SMARCB1: variants seen among roughly 807,000 people sequenced by gnomAD.
The protein encoded by SMARCB1 is SWI/SNF related BAF chromatin remodeling complex subunit B1, also known as SWI/SNF-related matrix-associated actin-dependent regulator of chromatin subfamily B member 1.
A neutral mutation model predicts 49.0 loss-of-function variants in SMARCB1; 5 were observed. That is an observed-to-expected ratio of 0.10 (90% confidence interval 0.05 to 0.21). SMARCB1 has a LOEUF of 0.21. Among genes scored for constraint, SMARCB1 ranks in the 10% least tolerant of loss-of-function variants. The pLI, the probability that SMARCB1 is intolerant of heterozygous loss-of-function variation, is 1.00. For synonymous variants in SMARCB1, 201 were observed against 200.1 expected (o/e 1.00, Z -0.04); for missense variants, 226 against 509.2 (o/e 0.44, Z 5.35).
In SMARCB1 at chr22:23,808,897, C is replaced by T. The variant is rs537109253; in HGVS notation, c.628+5475C>T. Among the ~76,000 whole-genome samples the T allele has an allele frequency of 4.0e-5, 6 of 151,704 alleles. No homozygotes were observed. In the East Asian group the frequency reaches 9.9e-4, roughly 25 times the overall value. On this transcript the variant is annotated intron_variant, in intron 5 of 8. Transcript: ENST00000644036. ...TATTTTTAGTAGAGAGGGGTTTCTC[C>T]ATGTTGGTCAGGCTGGCCTTGAACT...
At chr22:23,810,389 A>G (rs1483252737) in intron 5 of SMARCB1, among the ~76,000 whole-genome samples, 11 of 145,436 alleles carry the variant, frequency 7.6e-5, no homozygotes, top group South Asian at 2.2e-4. Context: ...TTAGCCAGGC[A>G]TGGTGGCGCA....
intron 7 of SMARCB1, 102 bp downstream of exon 7, chr22:23,825,517 C>A: frequency 1.0e-6 from 1 of 1,003,970 alleles, no homozygotes; most frequent in Non-Finnish European, 1.5e-6. Flanking sequence ...CTTTCTCACG[C>A]TTCGCAGCAC....
At chr22:23,799,247 A>G (rs1928976980) in intron 3 of SMARCB1, among the ~76,000 whole-genome samples, 1 of 151,676 alleles carries the variant, frequency 6.6e-6, no homozygotes, top group South Asian at 2.1e-4. Context: ...TGTTTCACCC[A>G]GCCCTGGAGC....
chr22:23,822,957 C>CTTTTTTTTTTTTTTT (rs58056758), intron 6 of SMARCB1, among the ~76,000 whole-genome samples: 1 of 72,764 alleles, frequency 1.4e-5, no homozygotes, highest in Non-Finnish European at 2.7e-5. Flanking sequence ...ACCAGCATAG[C>CTTTTTTTTTTTTTTT]TTTTTTTTTT....
intron 7 of SMARCB1, among the ~76,000 whole-genome samples, chr22:23,829,811 C>T (rs2030565169): frequency 6.6e-6 from 1 of 152,198 alleles, no homozygotes; most frequent in African/African-American, 2.4e-5. Context: ...TGCAGGCAGT[C>T]CCGTTCCTCC....
chr22:23,812,344 C>T (rs1929924334), intron 5 of SMARCB1, among the ~76,000 whole-genome samples: 1 of 151,900 alleles, frequency 6.6e-6, no homozygotes, highest in African/African-American at 2.4e-5. Context: ...ATTCTCCCCC[C>T]CAAAAAAATC....
chr22:23,787,048 C>G lies in SMARCB1; in HGVS notation c.-122C>G. 1 of 664,824 alleles carries G rather than the reference C, an allele frequency of 1.5e-6. No homozygotes were observed. The highest frequency in any genetic ancestry group is 3.6e-4 in the Middle Eastern group (1 of 2,750). 41.2% of individuals were successfully genotyped at this position (664,824 alleles called of 1,614,324 possible). On this transcript the variant is annotated 5_prime_UTR_variant, in exon 1 of 9. Coordinates refer to ENST00000644036, the MANE Select transcript of SMARCB1 (RefSeq NM_003073.5). ...GAGGAGCCCGGCTGAGGCGCCAGTACCCGGCCCGGTCCGCATTTCGCCTTC... is the reference window on the plus strand; with the variant it reads ...GAGGAGCCCGGCTGAGGCGCCAGTAGCCGGCCCGGTCCGCATTTCGCCTTC...
chr22:23,832,049 G>A (rs1246808461), intron 7 of SMARCB1, among the ~76,000 whole-genome samples: 3 of 152,228 alleles, frequency 2.0e-5, no homozygotes, highest in Non-Finnish European at 2.9e-5. Flanking sequence ...GCTGCAGCCA[G>A]TGCCCTGCGC....
chr22:23,790,048 G>A (rs1383630753), intron 1 of SMARCB1, among the ~76,000 whole-genome samples: 2 of 152,196 alleles, frequency 1.3e-5, no homozygotes, highest in East Asian at 3.8e-4. Flanking sequence ...CCAGCACCTT[G>A]ATTTTATATT....
chr22:23,803,118 T>C, intron 4 of SMARCB1, 177 bp from the exon 5 acceptor site: 1 of 761,542 alleles, frequency 1.3e-6, no homozygotes, highest in Non-Finnish European at 2.3e-6. Context: ...CTGTCCCCAT[T>C]AGACCGTGGC....
intron 2 of SMARCB1, chr22:23,792,197 C>T: frequency 2.5e-6 from 1 of 406,286 alleles, no homozygotes; most frequent in South Asian, 2.1e-5. Context: ...CTGCGATGCT[C>T]TGCCATCTGT....
intron 7 of SMARCB1, among the ~76,000 whole-genome samples, chr22:23,828,765 T>C (rs1012126866): frequency 4.6e-5 from 7 of 152,158 alleles, no homozygotes; most frequent in Non-Finnish European, 1.0e-4. Flanking sequence ...CTGACTTCCA[T>C]ACCCTCCTCG....
chr22:23,805,946 A>G (rs1929466697), intron 5 of SMARCB1, among the ~76,000 whole-genome samples: 1 of 152,218 alleles, frequency 6.6e-6, no homozygotes, highest in Non-Finnish European at 1.5e-5. Flanking sequence ...TGTTCCAGAA[A>G]GGATGCAAGG....
rs920332426 is a variant in SMARCB1, at chr22:23,837,536, T to C, written c.*3356T>C. The C allele has an allele frequency of 1.9e-6, 2 of 1,036,092 alleles. No homozygotes were observed. Among genetic ancestry groups the C allele is most frequent in the Admixed American group, 5.4e-5 (2 of 37,000 alleles). 64.2% of individuals were successfully genotyped at this position (1,036,092 alleles called of 1,614,324 possible). On this transcript the variant is annotated 3_prime_UTR_variant, in exon 9 of 9. Coordinates refer to ENST00000644036, the MANE Select transcript of SMARCB1 (RefSeq NM_003073.5). ...CACAGCAGCTGGGAGGGCAGGAAGA[T>C]GGGGATGGAGCCAGGTGTGAGGAGA...
chr22:23,787,147 G>T lies in SMARCB1; in HGVS notation c.-23G>T, dbSNP rs1017179572. Reference sequence around the variant, plus strand: ...TCCTGATCCCTCGCAGCCCGGCTCCGGCCGCCCGCCTCTGCCGCCGCAATG... The same window carrying T: ...TCCTGATCCCTCGCAGCCCGGCTCCTGCCGCCCGCCTCTGCCGCCGCAATG... On this transcript the variant is annotated 5_prime_UTR_variant, in exon 1 of 9. Coordinates refer to ENST00000644036, the MANE Select transcript of SMARCB1 (RefSeq NM_003073.5). 3.2e-6 allele frequency: 5 copies of T among 1,556,962 alleles called. No individual in the cohort carries two copies. The African/African-American group carries it at 4.1e-5, about 13-fold the overall frequency.
Position 23,836,306 on chromosome 22 carries a change from G to C in SMARCB1, c.*2126G>C, listed in dbSNP as rs2031042192. The C allele has an allele frequency of 2.0e-6, 2 of 985,392 alleles. No individual in the cohort carries two copies. Among genetic ancestry groups the C allele is most frequent in the South Asian group, 9.4e-5 (2 of 21,290 alleles). 61.0% of individuals were successfully genotyped at this position (985,392 alleles called of 1,614,324 possible). ...AAATGAGGCATACGCCCACCTGTCA[G>C]GGTGGCTGATGAGAGACAGGAGAGG... On this transcript the variant is annotated 3_prime_UTR_variant, in exon 9 of 9. Coordinates refer to ENST00000644036, the MANE Select transcript of SMARCB1 (RefSeq NM_003073.5).
At position 23,837,824 on chromosome 22, in the gene SMARCB1, G is replaced by A. The variant is rs2031218388; in HGVS notation, c.*3644G>A. ...AGCATGGCCATGAGGGCCTGGCCCA[G>A]GAAGAACAGGCTGCCCAGGAGTCCC... is the stretch of plus-strand genomic sequence containing the variant. On this transcript the variant is annotated 3_prime_UTR_variant, in exon 9 of 9. Transcript: ENST00000644036. 1 of 1,613,414 alleles carries A rather than the reference G, an allele frequency of 6.2e-7. No individual in the cohort carries two copies. The highest frequency in any genetic ancestry group is 1.3e-5 in the African/African-American group (1 of 74,932).
chr22:23,811,078 T>C (rs555888293), intron 5 of SMARCB1, among the ~76,000 whole-genome samples: 2 of 147,942 alleles, frequency 1.4e-5, no homozygotes, highest in East Asian at 3.9e-4. Context: ...AAAACGTTAA[T>C]CAAAGGAAAG....
intron 3 of SMARCB1, among the ~76,000 whole-genome samples, chr22:23,798,100 C>T (rs1053626730): frequency 5.9e-5 from 9 of 152,084 alleles, no homozygotes; most frequent in South Asian, 2.1e-4. Flanking sequence ...CAGGCTCTAA[C>T]GTATCCAGTC....
Sources: allele counts gnomAD v4.1 joint callset (sites outside exome capture counted in the v4.1 genomes callset), GRCh38; gene constraint gnomAD v4.1.1; transcripts MANE v1.5; gene names NCBI Gene and HGNC (gene_info 2026-07-23, HGNC 2026-07-21).